The following PFKFB2 variants were observed in gnomAD, a reference collection of about 807,000 sequenced individuals.
PFKFB2 encodes the protein 6-phosphofructo-2-kinase/fructose-2,6-bisphosphatase 2.
A neutral mutation model predicts 68.0 loss-of-function variants in PFKFB2; 53 were observed. The observed-to-expected ratio is 0.78, with a 90% CI of 0.63 to 0.98. The LOEUF (loss-of-function observed/expected upper bound fraction) is 0.98, where lower values mean the gene tolerates loss of function less well. Among genes scored for constraint, PFKFB2 ranks in the 50% least tolerant of loss-of-function variants. The pLI, the probability that PFKFB2 is intolerant of heterozygous loss-of-function variation, is 0.00. For synonymous variants in PFKFB2, 222 were observed against 227.6 expected (o/e 0.98, Z 0.22); for missense variants, 451 against 642.0 (o/e 0.70, Z 3.22).
chr1:207,059,800 T>C (rs1459057646), intron 2 of PFKFB2, among the ~76,000 whole-genome samples: 5 of 152,186 alleles, frequency 3.3e-5, no homozygotes, highest in African/African-American at 7.2e-5. Flanking sequence ...CACTTCTCCA[T>C]TGAGATCTTT....
chr1:207,036,598 G>A (rs1335140435), intron 1 of PFKFB2, among the ~76,000 whole-genome samples: 4 of 152,132 alleles, frequency 2.6e-5, no homozygotes, highest in East Asian at 1.9e-4. Context: ...GAAAGCTTCA[G>A]TATGACAACA....
At chr1:207,040,923 A>ATTTT (rs397862660) in intron 1 of PFKFB2, among the ~76,000 whole-genome samples, 34 of 117,336 alleles carry the variant, frequency 2.9e-4, no homozygotes, top group African/African-American at 9.1e-4. Context: ...TTTAAAACAG[A>ATTTT]TTTTTTTTTT....
At chr1:207,060,674 C>T (rs1017608333) in intron 2 of PFKFB2, among the ~76,000 whole-genome samples, 1 of 152,250 alleles carries the variant, frequency 6.6e-6, no homozygotes, top group Non-Finnish European at 1.5e-5. Flanking sequence ...TCTGTTGGAC[C>T]TATTATAGGA....
chr1:207,079,846 G>GA (rs1335336983), downstream of PFKFB2: 1 of 152,268 alleles, frequency 6.6e-6, no homozygotes, highest in Non-Finnish European at 1.5e-5. Flanking sequence ...AAAGCTCCTT[G>GA]AGAATCAGCC....
In PFKFB2 at chr1:207,061,168, TATATATATATATA is replaced by T. The variant is rs1683099352; in HGVS notation, c.86-784_86-772del. On this transcript the variant is annotated intron_variant, in intron 2 of 14. Transcript: ENST00000367080. ...TTATATATATTTATATATATCTTTATATATATATATATATATATATATATATATATATATTTTA... is the reference window on the plus strand; with the variant it reads ...TTATATATATTTATATATATCTTTATTATATATATATATATATATATTTTA... Among the ~76,000 whole-genome samples, 3 of 47,488 alleles carry T rather than the reference TATATATATATATA, an allele frequency of 6.3e-5. 1 individual carries two copies. Among genetic ancestry groups the T allele is most frequent in the African/African-American group, 1.4e-4 (1 of 7,326 alleles). The allele number at this position is 47,488 out of a possible 152,430, so 31.2% of individuals were successfully genotyped here.
At position 207,063,433 on chromosome 1, in the gene PFKFB2, C is replaced by T; in HGVS notation, c.450+12C>T. 6.3e-7 allele frequency: 1 copy of T among 1,596,144 alleles called. No homozygotes were observed. On this transcript the variant is annotated intron_variant, in intron 6 of 14. Coordinates refer to ENST00000367080, the MANE Select transcript of PFKFB2 (RefSeq NM_006212.2). This position sits in a 1 kb window ranked among gnomAD's most constrained non-coding sequence, Gnocchi z 4.1. Reference sequence around the variant, plus strand: ...AGAATTCCTTCAAGGTAGGATCTGACTCCATGTTGGAGGAAAAGGGATGAG... The same window carrying T: ...AGAATTCCTTCAAGGTAGGATCTGATTCCATGTTGGAGGAAAAGGGATGAG...
At chr1:207,071,709 C>T (rs1683469996) in intron 14 of PFKFB2, 136 bp downstream of exon 14, 3 of 649,640 alleles carry the variant, frequency 4.6e-6, no homozygotes, top group Admixed American at 2.9e-5. Context: ...ATGTAGTTTG[C>T]TACGTCTGAA....
upstream of PFKFB2, chr1:207,052,387 C>T: frequency 3.3e-6 from 2 of 614,182 alleles, no homozygotes; most frequent in Non-Finnish European, 2.9e-6. Context: ...GGTGGCCGGG[C>T]GCAGTGGCTC....
Position 207,062,757 on chromosome 1 carries a change from C to T in PFKFB2, c.308+41C>T, listed in dbSNP as rs369234901. 648 of 1,582,912 alleles carry T rather than the reference C, an allele frequency of 4.1e-4. 5 individuals carry two copies. Among genetic ancestry groups the T allele is most frequent in the Middle Eastern group, 8.4e-4 (5 of 5,948 alleles). On this transcript the variant is annotated intron_variant, in intron 4 of 14. Coordinates refer to ENST00000367080, the MANE Select transcript of PFKFB2 (RefSeq NM_006212.2). Reference sequence around the variant, plus strand: ...GGCCTGATCTCCAGGTCAGCTCTTTCTTGGCCGTCATGAGACTTGGTGTGA... The same window carrying T: ...GGCCTGATCTCCAGGTCAGCTCTTTTTTGGCCGTCATGAGACTTGGTGTGA...
chr1:207,053,206 AG>A (rs1283506942), upstream of PFKFB2: 1 of 152,298 alleles, frequency 6.6e-6, no homozygotes, highest in Non-Finnish European at 1.5e-5. Flanking sequence ...GATTCTCTCC[AG>A]GTGAGGACCT....
intron 1 of PFKFB2, among the ~76,000 whole-genome samples, chr1:207,054,484 G>A (rs111887797): frequency 5.3e-4 from 81 of 152,308 alleles, no homozygotes; most frequent in African/African-American, 1.9e-3. Context: ...AGACTCGTAA[G>A]TCAGAAGATA....
At chr1:207,066,766 G>A (rs780794755) in intron 8 of PFKFB2, among the ~76,000 whole-genome samples, 14 of 152,008 alleles carry the variant, frequency 9.2e-5, no homozygotes, top group Non-Finnish European at 1.8e-4. Flanking sequence ...CAATTCTCCT[G>A]CCTCAGCCTC....
chr1:207,074,618 G>C lies in PFKFB2; in HGVS notation c.*2247G>C, dbSNP rs747924724. 1.0e-6 allele frequency: 1 copy of C among 985,396 alleles called. No individual in the cohort carries two copies. The highest frequency in any genetic ancestry group is 1.2e-6 in the Non-Finnish European group (1 of 829,916). The allele number at this position is 985,396 out of a possible 1,614,324, so 61.0% of individuals were successfully genotyped here. On this transcript the variant is annotated 3_prime_UTR_variant, in exon 15 of 15. Transcript: ENST00000367080. ...TTCTTCTCAAAATTGTGTCCAAGAT[G>C]TTAAGTAACCTGCTATTCCTGTTTA...
At chr1:207,062,807 A>G (rs1381171268) in intron 4 of PFKFB2, 91 bp downstream of exon 4, 2 of 1,262,308 alleles carry the variant, frequency 1.6e-6, no homozygotes, top group Non-Finnish European at 2.3e-6. Context: ...ATCTCAGTAA[A>G]TATCTTAAGG....
At position 207,077,238 on chromosome 1, in the gene PFKFB2, C is replaced by T. The variant is rs1683652831; in HGVS notation, c.*4867C>T. ...TACCCTGTTCTGAAATGTTGTATTC[C>T]ATTGGACAGGGCTGCTATTTTTAGT... On this transcript the variant is annotated 3_prime_UTR_variant, in exon 15 of 15. Coordinates refer to ENST00000367080, the MANE Select transcript of PFKFB2 (RefSeq NM_006212.2). 1 of 985,026 alleles carries T rather than the reference C, an allele frequency of 1.0e-6. No homozygotes were observed. Among genetic ancestry groups the T allele is most frequent in the African/African-American group, 1.7e-5 (1 of 57,198 alleles). The allele number at this position is 985,026 out of a possible 1,614,324, so 61.0% of individuals were successfully genotyped here.
At chr1:207,051,013 T>G (rs1682735934), upstream of PFKFB2, 4 of 1,514,484 alleles carry the variant, frequency 2.6e-6, no homozygotes, top group Non-Finnish European at 3.5e-6. Flanking sequence ...AATGGCGACC[T>G]TTAGCGGGGC....
At chr1:207,039,780 A>T (rs533253308) in intron 1 of PFKFB2, among the ~76,000 whole-genome samples, 1 of 151,982 alleles carries the variant, frequency 6.6e-6, no homozygotes. Context: ...TAGAGCCAAA[A>T]AGATAGTGAA....
Position 207,076,180 on chromosome 1 carries a change from A to G in PFKFB2, c.*3809A>G. On this transcript the variant is annotated 3_prime_UTR_variant, in exon 15 of 15. Transcript: ENST00000367080. The stretch of plus-strand genomic sequence containing the variant: ...TTTGCAACCCACATTTGGTCTTCAG[A>G]GACACTGGCATTTTGAAGAAACATA... The G allele has an allele frequency of 1.0e-6, 1 of 984,484 alleles. No individual in the cohort carries two copies. Among genetic ancestry groups the G allele is most frequent in the South Asian group, 4.7e-5 (1 of 21,254 alleles). The allele number at this position is 984,484 out of a possible 1,614,324, so 61.0% of individuals were successfully genotyped here. A position where few individuals can be genotyped will look rare whatever the true frequency, so the allele number is the denominator to read the frequency against.
intron 8 of PFKFB2, chr1:207,065,423 C>A: frequency 2.3e-6 from 1 of 434,742 alleles, no homozygotes; most frequent in Non-Finnish European, 3.1e-6. Flanking sequence ...AAATCAGGGC[C>A]CACTGCAACT....
Sources: gnomAD v4.1 joint callset for allele counts (sites outside exome capture counted in the v4.1 genomes callset) on GRCh38, gnomAD v4.1.1 for gene constraint, Gnocchi (gnomAD v3.1) non-coding constraint, MANE v1.5 for transcripts, NCBI Gene and HGNC (gene_info 2026-07-23, HGNC 2026-07-21) for gene names.